TMEM62: variants seen among roughly 807,000 people sequenced by gnomAD.
TMEM62 encodes the protein transmembrane protein 62.
Under a neutral mutation model 70.4 loss-of-function variants are expected in TMEM62, and 41 were observed. The observed-to-expected ratio is 0.58, with a 90% CI of 0.45 to 0.76. The LOEUF (loss-of-function observed/expected upper bound fraction) is 0.76. Ranked by LOEUF, TMEM62 falls within the 30% of genes least tolerant of loss-of-function variation. The pLI is 0.00. For synonymous variants in TMEM62, 268 were observed against 291.0 expected (o/e 0.92, Z 0.80); for missense variants, 688 against 788.5 (o/e 0.87, Z 1.53).
In TMEM62 at chr15:43,175,910, G is replaced by A. The variant is rs147849382; in HGVS notation, c.1382-2697G>A. On this transcript the variant is annotated intron_variant, in intron 11 of 13. Coordinates refer to ENST00000260403, the MANE Select transcript of TMEM62 (RefSeq NM_024956.4). ...CCTCACTCGGGAAGCGCAAGGGGTC[G>A]GGGAGTTCCCTTTCCTAGTCAAAGA... 9.0e-3 allele frequency among the ~76,000 whole-genome samples: 1,377 copies of A among 152,312 alleles called. 24 individuals are homozygous for A. The highest frequency in any genetic ancestry group is 0.032 in the African/African-American group (1,313 of 41,564).
intron 11 of TMEM62, among the ~76,000 whole-genome samples, chr15:43,171,794 AT>A (rs2040230161): frequency 6.6e-6 from 1 of 151,220 alleles, no homozygotes; most frequent in Non-Finnish European, 1.5e-5. Flanking sequence ...CGCCTGGCTA[AT>A]TTTTTGCATT....
chr15:43,133,310 G>A (rs1289793863), upstream of TMEM62: 2 of 153,062 alleles, frequency 1.3e-5, no homozygotes, highest in African/African-American at 4.8e-5. Context: ...ACACATTTGT[G>A]AGACAATTTA....
chr15:43,170,846 A>G (rs1567229927), intron 11 of TMEM62, among the ~76,000 whole-genome samples: 1 of 152,212 alleles, frequency 6.6e-6, no homozygotes, highest in Non-Finnish European at 1.5e-5. Context: ...TAGTACCTTG[A>G]GCAGGGGAAT....
chr15:43,171,805 T>G (rs929290931), intron 11 of TMEM62, among the ~76,000 whole-genome samples: 2 of 151,862 alleles, frequency 1.3e-5, no homozygotes, highest in African/African-American at 4.8e-5. Flanking sequence ...TTTTTTGCAT[T>G]TTTAGTAGAG....
At position 43,169,648 on chromosome 15, in the gene TMEM62, T is replaced by G. The variant is rs769258269; in HGVS notation, c.1352T>G (p.Phe451Cys). 4.2e-5 allele frequency: 67 copies of G among 1,614,094 alleles called. No individual in the cohort carries two copies. Among genetic ancestry groups the G allele is most frequent in the Middle Eastern group, 1.6e-4 (1 of 6,084 alleles). Residue 451 changes from phenylalanine (F) to cysteine (C), a missense_variant, in exon 11 of 14, where the codon TTT becomes TGT. Phe to Cys is a radical substitution (Grantham distance 205, BLOSUM62 -2). Coordinates refer to ENST00000260403, the MANE Select transcript of TMEM62 (RefSeq NM_024956.4). ...AGCCAGCTCACCATTCTCATTATTT[T>G]TAGATATCGAGGATACCCAGAGCTT... is the stretch of plus-strand genomic sequence containing the variant. ...VLSQLTILIIFRYRGYPELKE... is the reference protein window; with the variant it reads ...VLSQLTILIICRYRGYPELKE...
At chr15:43,170,899 G>A (rs1364315562) in intron 11 of TMEM62, among the ~76,000 whole-genome samples, 1 of 152,172 alleles carries the variant, frequency 6.6e-6, no homozygotes, top group African/African-American at 2.4e-5. Flanking sequence ...CTGGTTATAT[G>A]GGCAATTCAG....
intron 10 of TMEM62, among the ~76,000 whole-genome samples, chr15:43,164,006 C>T (rs1225739191): frequency 6.6e-6 from 1 of 152,168 alleles, no homozygotes; most frequent in Non-Finnish European, 1.5e-5. Context: ...ACTCAGCCTG[C>T]AGTGTAGTCT....
intron 4 of TMEM62, among the ~76,000 whole-genome samples, chr15:43,139,715 G>C (rs977893842): frequency 6.6e-6 from 1 of 152,206 alleles, no homozygotes; most frequent in Non-Finnish European, 1.5e-5. Context: ...CTAATCCAGA[G>C]CAAGATCCTA....
At chr15:43,133,482 G>A (rs554137851), upstream of TMEM62, 71 of 254,878 alleles carry the variant, frequency 2.8e-4, no homozygotes, top group Middle Eastern at 2.3e-3. Flanking sequence ...CCCGGCCACT[G>A]GTCCCGGTCT....
intron 4 of TMEM62, among the ~76,000 whole-genome samples, chr15:43,142,825 A>G (rs2141567648): frequency 6.6e-6 from 1 of 151,914 alleles, no homozygotes; most frequent in Non-Finnish European, 1.5e-5. Context: ...GTGAGCCACC[A>G]TGCCTGGCTA....
Position 43,181,262 on chromosome 15 carries a change from T to C in TMEM62, c.1568T>C (p.Leu523Pro), listed in dbSNP as rs1222857914. The C allele has an allele frequency of 6.2e-7, 1 of 1,613,522 alleles. No homozygotes were observed. Among genetic ancestry groups the C allele is most frequent in the Non-Finnish European group, 8.5e-7 (1 of 1,179,626 alleles). ...SFGIFVNGHF[L>P]QGSITFIIGI... is the part of the protein sequence containing the mutation. ...GGGATATTTGTTAATGGACATTTCC[T>C]ACAAGGCAGCATAACATTTATAATT... Residue 523 changes from leucine to proline, a missense_variant, in exon 13 of 14, where the codon CTA (leucine) becomes CCA (proline). Transcript: ENST00000260403.
Position 43,151,816 on chromosome 15 carries a change from A to C in TMEM62, c.893A>C (p.Asp298Ala), listed in dbSNP as rs1238690595. 1.2e-6 allele frequency: 2 copies of C among 1,613,196 alleles called. No homozygotes were observed. Among genetic ancestry groups the C allele is most frequent in the African/African-American group, 1.3e-5 (1 of 74,824 alleles). The change falls in exon 8 of 14, where the codon GAC (aspartate) becomes GCC (alanine). Residue 298 changes from aspartate (D) to alanine (A), a missense_variant. Physicochemically the swap from Asp to Ala is moderately radical, Grantham distance 126. Transcript: ENST00000260403. ...TACCGGATTTTTGCTTTTGATCACG[A>C]CCTCTTTAGCTTTGCAGATTTGATC... is the stretch of plus-strand genomic sequence containing the variant. ...RRYRIFAFDH[D>A]LFSFADLIFG...
At chr15:43,178,063 T>G (rs1024666679) in intron 11 of TMEM62, among the ~76,000 whole-genome samples, 1 of 151,000 alleles carries the variant, frequency 6.6e-6, no homozygotes, top group Non-Finnish European at 1.5e-5. Flanking sequence ...CAGATACTCA[T>G]ATTTATGATT....
chr15:43,152,334 A>G (rs1008888962), intron 8 of TMEM62, among the ~76,000 whole-genome samples: 11 of 152,294 alleles, frequency 7.2e-5, no homozygotes, highest in African/African-American at 2.4e-4. Context: ...TAAGAAAGCA[A>G]AAGCTATATA....
intron 11 of TMEM62, among the ~76,000 whole-genome samples, chr15:43,172,349 T>C (rs1358155217): frequency 1.3e-5 from 2 of 152,216 alleles, no homozygotes; most frequent in African/African-American, 2.4e-5. Flanking sequence ...AACTAAGATA[T>C]TAGATAGAGT....
At position 43,184,670 on chromosome 15, in the gene TMEM62, G is replaced by T; in HGVS notation, c.*84G>T. ...GGCCTCTACCCCAGTAGCAGGTGGAGGGCCAGGATTGGTGGGTGAGCTTTA... is the reference window on the plus strand; with the variant it reads ...GGCCTCTACCCCAGTAGCAGGTGGATGGCCAGGATTGGTGGGTGAGCTTTA... On this transcript the variant is annotated 3_prime_UTR_variant, in exon 14 of 14. Transcript: ENST00000260403. The T allele has an allele frequency of 7.7e-7, 1 of 1,291,938 alleles. No individual in the cohort carries two copies. The highest frequency in any genetic ancestry group is 2.3e-5 in the East Asian group (1 of 42,990). The allele number at this position is 1,291,938 out of a possible 1,614,324, so 80.0% of individuals were successfully genotyped here. A position where few individuals can be genotyped will look rare whatever the true frequency, so the allele number is the denominator to read the frequency against.
chr15:43,133,182 A>C (rs1229930451), upstream of TMEM62: 1 of 152,176 alleles, frequency 6.6e-6, no homozygotes, highest in Non-Finnish European at 1.5e-5. Context: ...TGCCTGGGGG[A>C]TAGAGACCCT....
At chr15:43,168,625 CTT>C (rs775924314) in intron 10 of TMEM62, among the ~76,000 whole-genome samples, 38 of 152,122 alleles carry the variant, frequency 2.5e-4, no homozygotes, top group Non-Finnish European at 4.6e-4. Context: ...ACTTTTCTCT[CTT>C]GTTTCCACAA....
chr15:43,133,922 C>T lies in TMEM62; in HGVS notation c.120C>T (p.Pro40=). The T allele has an allele frequency of 6.7e-7, 1 of 1,492,070 alleles. No homozygotes were observed. Among genetic ancestry groups the T allele is most frequent in the Admixed American group, 2.2e-5 (1 of 44,762 alleles). 92.4% of individuals were successfully genotyped at this position (1,492,070 alleles called of 1,614,324 possible). Residue 40 remains proline (P), a synonymous_variant, in exon 1 of 14, where the codon CCC becomes CCT. Transcript: ENST00000260403. ...CCTCGCCGCTGCCGCGCCCCGCGCC[C>T]CCCAGGAGGCCGCACCCTGCGCCAG... ...GQPSPLPRPA[P]PRRPHPAPGP... is the part of the protein sequence containing the mutation.
Sources: gnomAD v4.1 joint callset for allele counts (sites outside exome capture counted in the v4.1 genomes callset) on GRCh38, gnomAD v4.1.1 for gene constraint, MANE v1.5 for transcripts, NCBI Gene and HGNC (gene_info 2026-07-23, HGNC 2026-07-21) for gene names.